FBXL13: variants seen among roughly 807,000 people sequenced by gnomAD.
FBXL13 encodes F-box and leucine-rich repeat protein 13.
Under a neutral mutation model 83.6 loss-of-function variants are expected in FBXL13, and 67 were observed. The ratio of observed to expected loss-of-function variants is 0.80; its 90% confidence interval spans 0.66 to 0.98. FBXL13 has a LOEUF of 0.98. FBXL13 is among the 50% of genes least tolerant of loss of function. FBXL13 has a pLI of 0.00. For synonymous variants in FBXL13, 272 were observed against 299.5 expected (o/e 0.91, Z 0.95); for missense variants, 822 against 866.5 (o/e 0.95, Z 0.64).
intron 6 of FBXL13, among the ~76,000 whole-genome samples, chr7:103,011,027 C>CA (rs36101150): frequency 4.8e-4 from 71 of 147,440 alleles, no homozygotes; most frequent in Admixed American, 2.3e-3. Context: ...AAGAAAAAAG[C>CA]AAAAAAAAAA....
chr7:102,838,310 G>A (rs979867503), intron 17 of FBXL13, among the ~76,000 whole-genome samples: 1 of 152,278 alleles, frequency 6.6e-6, no homozygotes, highest in South Asian at 2.1e-4. Context: ...GAGATTAAAT[G>A]AGTTAATATG....
chr7:102,905,034 T>C (rs1813539005), intron 11 of FBXL13, among the ~76,000 whole-genome samples: 1 of 152,062 alleles, frequency 6.6e-6, no homozygotes, highest in African/African-American at 2.4e-5. Flanking sequence ...AACTAACATA[T>C]GATCTATCCT....
intron 16 of FBXL13, among the ~76,000 whole-genome samples, chr7:102,857,964 A>G (rs1448481250): frequency 6.6e-6 from 1 of 152,212 alleles, no homozygotes; most frequent in East Asian, 1.9e-4. Flanking sequence ...TACCCAAAGG[A>G]AAGGAACTCA....
chr7:102,883,763 C>A, intron 12 of FBXL13, 78 bp from the exon 14 acceptor site: 1 of 831,836 alleles, frequency 1.2e-6, no homozygotes, highest in Non-Finnish European at 2.0e-6. Flanking sequence ...CTTTTTCCTT[C>A]AATATATTAG....
chr7:102,892,848 T>C (rs796364212), intron 11 of FBXL13, among the ~76,000 whole-genome samples: 4 of 152,336 alleles, frequency 2.6e-5, no homozygotes, highest in African/African-American at 9.6e-5. Flanking sequence ...TACACAATAA[T>C]GTGCTACTGC....
chr7:103,023,197 A>G (rs1793422852), intron 6 of FBXL13, among the ~76,000 whole-genome samples: 2 of 152,192 alleles, frequency 1.3e-5, no homozygotes, highest in African/African-American at 4.8e-5. Context: ...AATGCCGTGA[A>G]ACCGGGAGGT....
intron 9 of FBXL13, among the ~76,000 whole-genome samples, chr7:102,929,774 C>A (rs927232085): frequency 3.3e-5 from 5 of 151,572 alleles, no homozygotes; most frequent in Non-Finnish European, 7.4e-5. Flanking sequence ...TGTTGATGGG[C>A]ATGGGTTCTG....
chr7:102,846,652 A>G (rs2129450140), intron 17 of FBXL13, among the ~76,000 whole-genome samples: 2 of 151,866 alleles, frequency 1.3e-5, no homozygotes, highest in East Asian at 1.9e-4. Flanking sequence ...AGATGGTTTG[A>G]GCATGATCTT....
chr7:102,939,598 G>T (rs1396657637), intron 8 of FBXL13: 1 of 1,595,918 alleles, frequency 6.3e-7, no homozygotes, highest in African/African-American at 1.3e-5. Flanking sequence ...AAGTTCCCCT[G>T]TATAGCCCCT....
chr7:102,859,562 G>A (rs189588329), intron 16 of FBXL13, among the ~76,000 whole-genome samples: 13 of 152,238 alleles, frequency 8.5e-5, no homozygotes, highest in African/African-American at 2.9e-4. Flanking sequence ...TGATGCCAAG[G>A]TTTTAGCCCT....
intron 3 of FBXL13, 129 bp downstream of exon 4, chr7:103,029,222 A>C: frequency 1.9e-6 from 1 of 538,116 alleles, no homozygotes; most frequent in Admixed American, 4.1e-5. Flanking sequence ...AATATATAAT[A>C]CAAAATGGTA....
chr7:102,915,142 T>TC (rs10682903), intron 10 of FBXL13, among the ~76,000 whole-genome samples: 1 of 150,574 alleles, frequency 6.6e-6, no homozygotes, highest in African/African-American at 2.4e-5. Flanking sequence ...TTTTTTTTTT[T>TC]ACACTGATCA....
At chr7:102,976,960 A>G (rs1388265626) in intron 6 of FBXL13, among the ~76,000 whole-genome samples, 1 of 152,128 alleles carries the variant, frequency 6.6e-6, no homozygotes, top group Non-Finnish European at 1.5e-5. Flanking sequence ...TTCTAGACCT[A>G]AAGGATGCTT....
chr7:102,827,620 C>G (rs1799960293), intron 18 of FBXL13, among the ~76,000 whole-genome samples: 1 of 151,888 alleles, frequency 6.6e-6, no homozygotes, highest in African/African-American at 2.4e-5. Flanking sequence ...TGGTGTGCTG[C>G]ACCCATTAAC....
At chr7:102,843,953 C>A (rs2129449703) in intron 17 of FBXL13, among the ~76,000 whole-genome samples, 1 of 152,268 alleles carries the variant, frequency 6.6e-6, no homozygotes, top group East Asian at 1.9e-4. Flanking sequence ...GATCATCAGA[C>A]AACAGGGTGC....
intron 6 of FBXL13, among the ~76,000 whole-genome samples, chr7:102,987,389 A>C (rs1367942803): frequency 1.3e-5 from 2 of 152,186 alleles, no homozygotes. Flanking sequence ...CAGTAGGCCA[A>C]ACTCAACCCT....
intron 6 of FBXL13, among the ~76,000 whole-genome samples, chr7:102,986,667 G>T (rs1236355529): frequency 6.6e-6 from 1 of 152,160 alleles, no homozygotes; most frequent in Non-Finnish European, 1.5e-5. Flanking sequence ...AGAATTGAAT[G>T]TGATGATTGA....
chr7:103,023,541 A>T (rs963769570), intron 6 of FBXL13, among the ~76,000 whole-genome samples: 20 of 152,226 alleles, frequency 1.3e-4, no homozygotes, highest in Admixed American at 2.6e-4. Context: ...AAATTAGCTC[A>T]GCCATTGTGG....
chr7:103,040,631 A>G (rs1396642558), intron 2 of FBXL13, among the ~76,000 whole-genome samples: 1 of 152,242 alleles, frequency 6.6e-6, no homozygotes, highest in African/African-American at 2.4e-5. Context: ...TGTCTCGCAG[A>G]CCACAGTGCA....
Sources: allele counts gnomAD v4.1 joint callset (sites outside exome capture counted in the v4.1 genomes callset), GRCh38; gene constraint gnomAD v4.1.1; transcripts MANE v1.5; gene names NCBI Gene and HGNC (gene_info 2026-07-23, HGNC 2026-07-21).